ARHGAP15: variants seen among roughly 807,000 people sequenced by gnomAD.
ARHGAP15 encodes Rho GTPase activating protein 15, also known as rho GTPase-activating protein 15.
In ARHGAP15, 51 loss-of-function variants were observed where a neutral mutation model predicts 63.7. The observed-to-expected ratio is 0.80, with a 90% confidence interval of 0.64 to 1.01. The LOEUF is 1.01. ARHGAP15 is among the 50% of genes least tolerant of loss of function. The probability of loss-of-function intolerance (pLI) is 0.00; values close to 1 mark genes in which losing one functional copy is unlikely to be tolerated. For synonymous variants in ARHGAP15, 191 were observed against 193.8 expected, an observed-to-expected ratio of 0.99 and a Z score of 0.12; for missense variants, 560 against 564.6, an observed-to-expected ratio of 0.99 and a Z score of 0.08.
intron 13 of ARHGAP15, among the ~76,000 whole-genome samples, chr2:143,764,420 C>T (rs998384874): frequency 6.6e-6 from 1 of 152,114 alleles, no homozygotes; most frequent in African/African-American, 2.4e-5. Context: ...ATCTCTTTCC[C>T]CTTTCAAACT....
intron 12 of ARHGAP15, among the ~76,000 whole-genome samples, chr2:143,635,402 A>G (rs1461766289): frequency 6.6e-6 from 1 of 151,782 alleles, no homozygotes; most frequent in Non-Finnish European, 1.5e-5. Flanking sequence ...TCCTTTACCC[A>G]GTACTCTTGT....
chr2:143,357,909 T>G (rs1245764275), intron 6 of ARHGAP15, among the ~76,000 whole-genome samples: 1 of 152,224 alleles, frequency 6.6e-6, no homozygotes, highest in Non-Finnish European at 1.5e-5. Flanking sequence ...TTCTATCATT[T>G]GCATAAACCT....
intron 12 of ARHGAP15, among the ~76,000 whole-genome samples, chr2:143,692,339 A>C (rs965124508): frequency 3.3e-5 from 5 of 152,208 alleles, no homozygotes; most frequent in Non-Finnish European, 5.9e-5. Flanking sequence ...CACAGTGGGA[A>C]GCTTAAAGCG....
intron 11 of ARHGAP15, among the ~76,000 whole-genome samples, chr2:143,600,471 A>G (rs1166506111): frequency 6.6e-6 from 1 of 152,166 alleles, no homozygotes; most frequent in Non-Finnish European, 1.5e-5. Flanking sequence ...CATCTGCACA[A>G]TATTCTTCTT....
chr2:143,360,865 A>G (rs1490291567), intron 6 of ARHGAP15, among the ~76,000 whole-genome samples: 1 of 152,234 alleles, frequency 6.6e-6, no homozygotes, highest in Non-Finnish European at 1.5e-5. Context: ...GTAAACATTT[A>G]TATGGGTTCT....
chr2:143,694,520 A>G (rs1268944343), intron 12 of ARHGAP15, among the ~76,000 whole-genome samples: 1 of 152,130 alleles, frequency 6.6e-6, no homozygotes, highest in Non-Finnish European at 1.5e-5. Flanking sequence ...TGGTAATAAT[A>G]TCTCAGTCCT....
chr2:143,642,704 C>T (rs1437154496), intron 12 of ARHGAP15, among the ~76,000 whole-genome samples: 1 of 152,016 alleles, frequency 6.6e-6, no homozygotes, highest in Non-Finnish European at 1.5e-5. Context: ...ATGATGAAGA[C>T]AATAAATGTT....
At chr2:143,266,888 T>C (rs1281967412) in intron 6 of ARHGAP15, among the ~76,000 whole-genome samples, 1 of 152,182 alleles carries the variant, frequency 6.6e-6, no homozygotes, top group Non-Finnish European at 1.5e-5. Context: ...TCAGCCAAAA[T>C]AGGCTAAACT....
At chr2:143,161,441 AT>A (rs796335282) in intron 2 of ARHGAP15, among the ~76,000 whole-genome samples, 5 of 151,472 alleles carry the variant, frequency 3.3e-5, no homozygotes, top group South Asian at 4.2e-4. Context: ...TAGTTTGTTA[AT>A]TTTTTTTTAA....
Position 143,328,583 on chromosome 2 carries a change from AG to A in ARHGAP15, c.474+77988del, listed in dbSNP as rs569198637. Among the ~76,000 whole-genome samples the A allele has an allele frequency of 2.3e-4, 35 of 152,198 alleles. No homozygotes were observed. In the South Asian group the frequency reaches 7.1e-3, roughly 31 times the overall value. On this transcript the variant is annotated intron_variant, in intron 6 of 13. Coordinates refer to ENST00000295095, the MANE Select transcript of ARHGAP15 (RefSeq NM_018460.4). ...GGAACATCACACACCAGAGCCTGTC[AG>A]GGGGTAGGGGAGTAGGGGAGGGATA...
At chr2:143,658,877 C>A (rs1398731460) in intron 12 of ARHGAP15, among the ~76,000 whole-genome samples, 1 of 152,192 alleles carries the variant, frequency 6.6e-6, no homozygotes, top group Non-Finnish European at 1.5e-5. Flanking sequence ...TTGAGTTAAT[C>A]ACAGCTTAAT....
At chr2:143,380,292 G>A (rs1051940193) in intron 6 of ARHGAP15, among the ~76,000 whole-genome samples, 12 of 152,072 alleles carry the variant, frequency 7.9e-5, no homozygotes, top group African/African-American at 2.9e-4. Context: ...GGCTGACCAT[G>A]GGCAAATGAC....
intron 6 of ARHGAP15, among the ~76,000 whole-genome samples, chr2:143,396,088 A>G (rs1687743368): frequency 6.6e-6 from 1 of 152,110 alleles, no homozygotes; most frequent in Non-Finnish European, 1.5e-5. Flanking sequence ...CACCCTAGAC[A>G]CTGTCAGCTT....
At chr2:143,356,699 C>T (rs960747887) in intron 6 of ARHGAP15, among the ~76,000 whole-genome samples, 3 of 152,144 alleles carry the variant, frequency 2.0e-5, no homozygotes, top group African/African-American at 7.2e-5. Context: ...TTATGTGGCT[C>T]GTTGAAATTA....
chr2:143,221,567 C>A (rs1335897220), intron 4 of ARHGAP15, among the ~76,000 whole-genome samples: 1 of 152,102 alleles, frequency 6.6e-6, no homozygotes, highest in African/African-American at 2.4e-5. Flanking sequence ...TGTAAGTAAC[C>A]CTGGCTTCTC....
At chr2:143,442,849 A>G (rs574452841) in intron 8 of ARHGAP15, among the ~76,000 whole-genome samples, 32 of 152,186 alleles carry the variant, frequency 2.1e-4, no homozygotes, top group Admixed American at 1.4e-3. Flanking sequence ...GCCTAATTCA[A>G]TAAAAGAATA....
chr2:143,270,003 G>T (rs978844396), intron 6 of ARHGAP15, among the ~76,000 whole-genome samples: 1 of 151,878 alleles, frequency 6.6e-6, no homozygotes, highest in African/African-American at 2.4e-5. Flanking sequence ...ACAGAGTCTC[G>T]CTCTTGTCGC....
chr2:143,295,456 G>T (rs974506893), intron 6 of ARHGAP15: 1 of 151,982 alleles, frequency 6.6e-6, no homozygotes. Flanking sequence ...TGGTAGGAAA[G>T]AACAGTCAAG....
intron 5 of ARHGAP15, among the ~76,000 whole-genome samples, chr2:143,232,044 T>C (rs2104919833): frequency 6.6e-6 from 1 of 152,322 alleles, no homozygotes; most frequent in Middle Eastern, 3.4e-3. Context: ...TCCTTAAAAA[T>C]ATCCAAGTCA....
Sources: allele counts gnomAD v4.1 joint callset (sites outside exome capture counted in the v4.1 genomes callset), GRCh38; gene constraint gnomAD v4.1.1; transcripts MANE v1.5; gene names NCBI Gene and HGNC (gene_info 2026-07-23, HGNC 2026-07-21).